ZPBP: variants seen among roughly 807,000 people sequenced by gnomAD.
The protein encoded by ZPBP is zona pellucida binding protein, also known as zona pellucida-binding protein 1.
ZPBP carries 26 observed loss-of-function variants against 44.8 expected under a neutral mutation model. The observed-to-expected ratio is 0.58, with a 90% CI of 0.43 to 0.81. The LOEUF is 0.81. Ranked by LOEUF, ZPBP falls within the 30% of genes least tolerant of loss-of-function variation. The pLI, the probability that ZPBP is intolerant of heterozygous loss-of-function variation, is 0.00. For synonymous variants in ZPBP, 174 were observed against 153.2 expected (o/e 1.14, Z -1.00); for missense variants, 409 against 434.0 (o/e 0.94, Z 0.51).
chr7:50,064,676 A>G (rs993495602), intron 3 of ZPBP, among the ~76,000 whole-genome samples: 3 of 152,220 alleles, frequency 2.0e-5, no homozygotes, highest in Non-Finnish European at 4.4e-5. Context: ...TGTTCCGCCC[A>G]GCTCGCCAGC....
intron 7 of ZPBP, among the ~76,000 whole-genome samples, chr7:49,978,753 C>A (rs991489917): frequency 7.3e-5 from 11 of 151,672 alleles, no homozygotes; most frequent in Admixed American, 2.0e-4. Flanking sequence ...CTAGTGTTAT[C>A]CTAATTTAAA....
chr7:49,961,116 TC>T (rs1430159980), intron 7 of ZPBP, among the ~76,000 whole-genome samples: 1 of 152,168 alleles, frequency 6.6e-6, no homozygotes, highest in Non-Finnish European at 1.5e-5. Flanking sequence ...TAGGTATTTT[TC>T]CAGGAGAAAT....
intron 2 of ZPBP, among the ~76,000 whole-genome samples, chr7:49,864,634 A>G (rs1320693783): frequency 6.6e-6 from 1 of 152,160 alleles, no homozygotes; most frequent in African/African-American, 2.4e-5. Context: ...CTGCTCTTCC[A>G]TCCCGAATGG....
intron 2 of ZPBP, among the ~76,000 whole-genome samples, chr7:50,089,337 C>T (rs1802829622): frequency 6.6e-6 from 1 of 152,090 alleles, no homozygotes; most frequent in South Asian, 2.1e-4. Context: ...ACCATATTTG[C>T]ACTATATACA....
intron 7 of ZPBP, among the ~76,000 whole-genome samples, chr7:49,974,932 C>T (rs1160048362): frequency 4.4e-5 from 1 of 22,652 alleles, no homozygotes; most frequent in Non-Finnish European, 9.7e-5. Flanking sequence ...AGACCCAGCA[C>T]GGGGAAATGG....
intron 2 of ZPBP, among the ~76,000 whole-genome samples, chr7:49,874,931 ACC>A (rs902137737): frequency 6.6e-6 from 1 of 152,158 alleles, no homozygotes; most frequent in South Asian, 2.1e-4. Flanking sequence ...AATTGTAATT[ACC>A]CACATAAGTC....
chr7:49,935,786 C>G (rs1794603002), downstream of ZPBP: 1 of 152,178 alleles, frequency 6.6e-6, no homozygotes, highest in Non-Finnish European at 1.5e-5. Context: ...TGGTCTCATT[C>G]TGGTGTGCCA....
chr7:49,869,843 G>T (rs1303396418), intron 2 of ZPBP, among the ~76,000 whole-genome samples: 1 of 151,936 alleles, frequency 6.6e-6, no homozygotes, highest in Non-Finnish European at 1.5e-5. Context: ...TCCAAAACGG[G>T]AAGCTTACTA....
chr7:50,084,707 T>C (rs550440458), intron 2 of ZPBP, among the ~76,000 whole-genome samples: 1 of 152,050 alleles, frequency 6.6e-6, no homozygotes, highest in African/African-American at 2.4e-5. Flanking sequence ...TAATCTATTT[T>C]AAGAATAAAT....
At chr7:50,073,361 A>C (rs1801939429) in intron 3 of ZPBP, among the ~76,000 whole-genome samples, 1 of 152,108 alleles carries the variant, frequency 6.6e-6, no homozygotes. Flanking sequence ...TGAAGGAGAC[A>C]AAAGAAAAAG....
At chr7:49,939,155 C>T (rs989434792) in intron 7 of ZPBP, among the ~76,000 whole-genome samples, 1 of 152,136 alleles carries the variant, frequency 6.6e-6, no homozygotes, top group Admixed American at 6.5e-5. Flanking sequence ...TCTCAAAGCA[C>T]ACCTTAATAT....
chr7:50,043,024 G>C (rs565582569), intron 4 of ZPBP, among the ~76,000 whole-genome samples: 1 of 152,308 alleles, frequency 6.6e-6, no homozygotes, highest in African/African-American at 2.4e-5. Context: ...GGGTTTACCA[G>C]AATGAGGGCA....
At position 50,029,833 on chromosome 7, in the gene ZPBP, TTGTTGTTGTTGC is replaced by T. The variant is rs1165082959; in HGVS notation, c.706+1247_706+1258del. ...TACTTTCAGCTTTTGTTTTTTGTTG[TTGTTGTTGTTGC>T]TGTTGTTGTTGTTGTTGTTGTTGTT... On this transcript the variant is annotated intron_variant, in intron 5 of 7. Transcript: ENST00000046087. Among the ~76,000 whole-genome samples, 9 of 123,744 alleles carry T rather than the reference TTGTTGTTGTTGC, an allele frequency of 7.3e-5. 1 individual carries two copies. The highest frequency in any genetic ancestry group is 2.1e-4 in the African/African-American group (6 of 28,646). The allele number at this position is 123,744 out of a possible 152,430, so 81.2% of individuals were successfully genotyped here. A position where few individuals can be genotyped will look rare whatever the true frequency, so the allele number is the denominator to read the frequency against.
chr7:49,993,259 G>C (rs970730462), intron 6 of ZPBP, among the ~76,000 whole-genome samples: 1 of 151,948 alleles, frequency 6.6e-6, no homozygotes, highest in South Asian at 2.1e-4. Context: ...TAATAATTGT[G>C]ACATGTAAAT....
intron 6 of ZPBP, among the ~76,000 whole-genome samples, chr7:49,988,236 T>C (rs1797405994): frequency 6.6e-6 from 1 of 152,164 alleles, no homozygotes; most frequent in Non-Finnish European, 1.5e-5. Flanking sequence ...ATAAATAATA[T>C]GGAAATTTGG....
At chr7:49,941,328 G>C (rs1794875335) in intron 7 of ZPBP, among the ~76,000 whole-genome samples, 1 of 152,088 alleles carries the variant, frequency 6.6e-6, no homozygotes, top group Admixed American at 6.6e-5. Context: ...TCTCTAGGAA[G>C]TATTGCATAT....
chr7:50,020,458 G>C (rs2128806772), intron 5 of ZPBP, among the ~76,000 whole-genome samples: 1 of 152,084 alleles, frequency 6.6e-6, no homozygotes, highest in South Asian at 2.1e-4. Flanking sequence ...TTCAGCCCAA[G>C]TCCAGTATTA....
rs1211034946 is a variant in ZPBP, at chr7:49,983,338, A to G, written c.961+4T>C. The G allele has an allele frequency of 6.2e-7, 1 of 1,613,054 alleles. No individual in the cohort carries two copies. Among genetic ancestry groups the G allele is most frequent in the Non-Finnish European group, 8.5e-7 (1 of 1,179,380 alleles). On this transcript the variant is annotated splice_donor_region_variant and intron_variant, in intron 7 of 7. Transcript: ENST00000046087. ...AAAACATGAAATCATAATTCATTACATACCACAGCACTCAGGACATTTTGG... is the reference window on the plus strand; with the variant it reads ...AAAACATGAAATCATAATTCATTACGTACCACAGCACTCAGGACATTTTGG...
chr7:49,958,901 C>A (rs1562801175), intron 7 of ZPBP, among the ~76,000 whole-genome samples: 1 of 151,956 alleles, frequency 6.6e-6, no homozygotes, highest in Non-Finnish European at 1.5e-5. Flanking sequence ...AAAATCACAA[C>A]AAAGACATTA....
Sources: gnomAD v4.1 joint callset for allele counts (sites outside exome capture counted in the v4.1 genomes callset) on GRCh38, gnomAD v4.1.1 for gene constraint, MANE v1.5 for transcripts, NCBI Gene and HGNC (gene_info 2026-07-23, HGNC 2026-07-21) for gene names.